CCDC138: variants seen among roughly 807,000 people sequenced by gnomAD.
CCDC138 encodes coiled-coil domain-containing protein 138.
Under a neutral mutation model 82.3 loss-of-function variants are expected in CCDC138, and 66 were observed. The ratio of observed to expected loss-of-function variants is 0.80; its 90% CI spans 0.66 to 0.98. The LOEUF is 0.98. Among genes scored for constraint, CCDC138 ranks in the 50% least tolerant of loss-of-function variants. CCDC138 has a pLI of 0.00. For synonymous variants in CCDC138, 297 were observed against 265.4 expected (o/e 1.12, Z -1.16); for missense variants, 816 against 758.9 (o/e 1.08, Z -0.88).
chr2:108,854,554 A>G (rs2104566277), intron 12 of CCDC138, among the ~76,000 whole-genome samples: 1 of 152,284 alleles, frequency 6.6e-6, no homozygotes, highest in African/African-American at 2.4e-5. Context: ...TGAGATCAGA[A>G]TTGAGGTCTG....
intron 5 of CCDC138, among the ~76,000 whole-genome samples, chr2:108,796,637 G>A (rs1228312141): frequency 6.6e-6 from 1 of 152,132 alleles, no homozygotes; most frequent in Non-Finnish European, 1.5e-5. Flanking sequence ...ATATTATTCA[G>A]CCATAAAAAG....
At position 108,876,102 on chromosome 2, in the gene CCDC138, T is replaced by C. The variant is rs1450753672; in HGVS notation, c.1847T>C (p.Leu616Pro). 1.3e-6 allele frequency: 2 copies of C among 1,592,802 alleles called. No homozygotes were observed. The highest frequency in any genetic ancestry group is 1.7e-6 in the Non-Finnish European group (2 of 1,161,804). Residue 616 changes from leucine (L) to proline (P), a missense_variant, in exon 15 of 15, where the codon CTC (leucine) becomes CCC (proline). Transcript: ENST00000295124. The stretch of plus-strand genomic sequence containing the variant: ...TTTTTTTACAGGAGTAATAAGAAGC[T>C]CTTTGAACTTTTTACGATTCATCTG... The part of the protein sequence containing the change: ...KLSKIKSNKK[L>P]FELFTIHLML...
intron 13 of CCDC138, among the ~76,000 whole-genome samples, chr2:108,857,563 T>C (rs921810153): frequency 6.6e-6 from 1 of 152,206 alleles, no homozygotes; most frequent in Admixed American, 6.5e-5. Context: ...TTTCCAGGTT[T>C]ATTTTCTTCT....
intron 11 of CCDC138, among the ~76,000 whole-genome samples, chr2:108,840,349 A>C (rs1296757468): frequency 6.6e-6 from 1 of 152,174 alleles, no homozygotes; most frequent in African/African-American, 2.4e-5. Flanking sequence ...AGGTTCATAA[A>C]ATGAATTGGG....
chr2:108,876,352 C>A lies in CCDC138; in HGVS notation c.*99C>A. ...TTCTACCAAGTAAAGTTATCAGTAG[C>A]ATCATTTATCATGAAAAATAAATAA... On this transcript the variant is annotated 3_prime_UTR_variant, in exon 15 of 15. Transcript: ENST00000295124. 1.6e-6 allele frequency: 1 copy of A among 615,878 alleles called. No homozygotes were observed. Among genetic ancestry groups the A allele is most frequent in the South Asian group, 3.7e-5 (1 of 26,902 alleles). 38.2% of individuals were successfully genotyped at this position (615,878 alleles called of 1,614,324 possible). A position where few individuals can be genotyped will look rare whatever the true frequency, so the allele number is the denominator to read the frequency against.
At chr2:108,793,585 CTT>C (rs1214818354) in intron 4 of CCDC138, among the ~76,000 whole-genome samples, 20 of 151,148 alleles carry the variant, frequency 1.3e-4, no homozygotes, top group Admixed American at 5.3e-4. Flanking sequence ...CCTCAGGAAA[CTT>C]TTTTTTGTTT....
intron 12 of CCDC138, among the ~76,000 whole-genome samples, chr2:108,848,458 T>C (rs1690869226): frequency 6.6e-6 from 1 of 152,154 alleles, no homozygotes; most frequent in Non-Finnish European, 1.5e-5. Context: ...CATAAGAATA[T>C]GGATAAATAA....
intron 3 of CCDC138, among the ~76,000 whole-genome samples, chr2:108,791,003 A>G (rs1272072334): frequency 6.6e-6 from 1 of 151,866 alleles, no homozygotes; most frequent in Non-Finnish European, 1.5e-5. Context: ...CTCAAGAGAT[A>G]CTCCCACTTC....
intron 7 of CCDC138, among the ~76,000 whole-genome samples, chr2:108,807,988 G>C (rs1460918175): frequency 6.6e-6 from 1 of 152,116 alleles, no homozygotes; most frequent in Non-Finnish European, 1.5e-5. Flanking sequence ...CCAACCTCTA[G>C]TAACCAATAT....
At chr2:108,875,744 A>G (rs941153014) in intron 14 of CCDC138, among the ~76,000 whole-genome samples, 3 of 152,182 alleles carry the variant, frequency 2.0e-5, no homozygotes, top group African/African-American at 7.2e-5. Context: ...CTGTAGTCCT[A>G]GCTACTTGGG....
At chr2:108,884,788 G>T (rs1696382803) in intron 2 of CCDC138, 1 of 152,032 alleles carries the variant, frequency 6.6e-6, no homozygotes, top group African/African-American at 2.4e-5. Context: ...TTTCTCTTTC[G>T]AAAGCCGGGC....
chr2:108,851,321 G>A (rs558787674), intron 12 of CCDC138, among the ~76,000 whole-genome samples: 1 of 152,168 alleles, frequency 6.6e-6, no homozygotes, highest in Admixed American at 6.5e-5. Flanking sequence ...TTGTTTTTGA[G>A]ATGGAGTTTT....
At chr2:108,827,063 A>G (rs1686737840) in intron 10 of CCDC138, among the ~76,000 whole-genome samples, 1 of 152,212 alleles carries the variant, frequency 6.6e-6, no homozygotes, top group African/African-American at 2.4e-5. Flanking sequence ...ATATATGGTT[A>G]CACAATTAAA....
At chr2:108,798,783 A>G (rs1394158010) in intron 6 of CCDC138, among the ~76,000 whole-genome samples, 197 bp downstream of exon 6, 9 of 127,014 alleles carry the variant, frequency 7.1e-5, no homozygotes. Flanking sequence ...ACATTTGCTT[A>G]TTTCTCCTTC....
intron 10 of CCDC138, among the ~76,000 whole-genome samples, chr2:108,825,428 C>G (rs1367668797): frequency 6.6e-6 from 1 of 151,606 alleles, no homozygotes; most frequent in Non-Finnish European, 1.5e-5. Flanking sequence ...TATCTCCTCT[C>G]TCCAAAAAAA....
chr2:108,816,129 G>A (rs1343307330), intron 10 of CCDC138, 24 bp downstream of exon 10: 1 of 1,535,408 alleles, frequency 6.5e-7, no homozygotes, highest in African/African-American at 1.4e-5. Context: ...TTTGAAATAT[G>A]TGATTCAGAA....
chr2:108,865,314 A>ACTTAAGTGTGTACATGTGGGAG (rs1235917473), intron 13 of CCDC138, among the ~76,000 whole-genome samples: 1 of 152,162 alleles, frequency 6.6e-6, no homozygotes, highest in African/African-American at 2.4e-5. Flanking sequence ...CGTATACAAA[A>ACTTAAGTGTGTACATGTGGGAG]CTTAAGTGTG....
chr2:108,867,605 C>A (rs1000610742), intron 13 of CCDC138, among the ~76,000 whole-genome samples: 1 of 152,018 alleles, frequency 6.6e-6, no homozygotes, highest in Non-Finnish European at 1.5e-5. Context: ...CACACCATTC[C>A]TCCTTCCAAA....
In CCDC138 at chr2:108,856,960, G is replaced by C; in HGVS notation, c.1683G>C (p.Thr561=). Residue 561 remains threonine (T), a synonymous_variant, in exon 13 of 15, where the codon ACG becomes ACC. Coordinates refer to ENST00000295124, the MANE Select transcript of CCDC138 (RefSeq NM_144978.3). ...SNVIDSLLQM[T]VESKSLQPFL... is the part of the protein sequence containing the mutation. Reference sequence around the variant, plus strand: ...TTATTGATAGTTTGCTCCAGATGACGGTGGAATCTAGTAAGTTTTTAAGTT... The same window carrying C: ...TTATTGATAGTTTGCTCCAGATGACCGTGGAATCTAGTAAGTTTTTAAGTT... 1.9e-6 allele frequency: 3 copies of C among 1,593,116 alleles called. No homozygotes were observed. Among genetic ancestry groups the C allele is most frequent in the South Asian group, 2.3e-5 (2 of 87,768 alleles).
Sources: allele counts gnomAD v4.1 joint callset (sites outside exome capture counted in the v4.1 genomes callset), GRCh38; gene constraint gnomAD v4.1.1; transcripts MANE v1.5; gene names NCBI Gene and HGNC (gene_info 2026-07-23, HGNC 2026-07-21).